Variants in PRR16 observed in about 807,000 individuals in gnomAD.
PRR16 encodes protein Largen.
Under a neutral mutation model 18.2 loss-of-function variants are expected in PRR16, and 6 were observed. The ratio of observed to expected loss-of-function variants is 0.33; its 90% confidence interval spans 0.18 to 0.65. The LOEUF is 0.65. Among genes scored for constraint, PRR16 ranks in the 30% least tolerant of loss-of-function variants. The pLI is 0.74. For missense variants in PRR16, 412 were observed against 376.6 expected, an observed-to-expected ratio of 1.09 and a Z score of -0.78; for synonymous variants, 151 against 147.8, an observed-to-expected ratio of 1.02 and a Z score of -0.16.
Position 120,621,265 on chromosome 5 carries a change from C to T in PRR16, c.160-64689C>T, listed in dbSNP as rs548830657. Among the ~76,000 whole-genome samples the T allele has an allele frequency of 2.6e-5, 4 of 152,210 alleles. No homozygotes were observed. In the South Asian group the frequency reaches 8.3e-4, roughly 32 times the overall value. ...TTTTTGAAATATAAAGGGATTCATGCTATTCTACATTGAAAACTTTTGCCA... is the reference window on the plus strand; with the variant it reads ...TTTTTGAAATATAAAGGGATTCATGTTATTCTACATTGAAAACTTTTGCCA... On this transcript the variant is annotated intron_variant, in intron 1 of 1. Transcript: ENST00000407149.
At chr5:120,584,052 G>A (rs1030695354) in intron 1 of PRR16, among the ~76,000 whole-genome samples, 1 of 152,136 alleles carries the variant, frequency 6.6e-6, no homozygotes, top group Admixed American at 6.6e-5. Context: ...ACTGCAGGAT[G>A]GGAAATGCCA....
chr5:120,748,623 T>C, the PRR16 span, among the ~76,000 whole-genome samples: 14 of 152,040 alleles, frequency 9.2e-5, no homozygotes, highest in Admixed American at 3.3e-4. Context: ...TTATCCAAGG[T>C]TGAAATCTGG....
At chr5:120,467,509 GTTACTCTGAAA>G (rs1194626596) in intron 1 of PRR16, among the ~76,000 whole-genome samples, 10 of 151,962 alleles carry the variant, frequency 6.6e-5, no homozygotes, top group African/African-American at 2.4e-4. Flanking sequence ...TTGGTTTGAG[GTTACTCTGAAA>G]TTGCTTTTCT....
intron 1 of PRR16, among the ~76,000 whole-genome samples, chr5:120,549,474 G>A (rs772499341): frequency 6.6e-6 from 1 of 151,910 alleles, no homozygotes; most frequent in Non-Finnish European, 1.5e-5. Context: ...ATTGGAAGTG[G>A]CTCTCTGTGG....
At chr5:120,620,702 A>G (rs1245375576) in intron 1 of PRR16, among the ~76,000 whole-genome samples, 1 of 151,962 alleles carries the variant, frequency 6.6e-6, no homozygotes, top group African/African-American at 2.4e-5. Context: ...TCAGCTGCTA[A>G]ATGTTACAGG....
chr5:120,750,388 G>A, the PRR16 span, among the ~76,000 whole-genome samples: 93 of 152,074 alleles, frequency 6.1e-4, 5 homozygotes, highest in Non-Finnish European at 1.5e-5. Flanking sequence ...GTCAGGCGCG[G>A]TGGCTCACAC....
chr5:120,537,126 A>G (rs1050152550), intron 1 of PRR16, among the ~76,000 whole-genome samples: 1 of 152,214 alleles, frequency 6.6e-6, no homozygotes, highest in Non-Finnish European at 1.5e-5. Flanking sequence ...AATAATCTGT[A>G]CAACAAACCC....
the PRR16 span, among the ~76,000 whole-genome samples, chr5:120,757,554 GA>G: frequency 6.6e-6 from 1 of 151,796 alleles, no homozygotes; most frequent in Non-Finnish European, 1.5e-5. Flanking sequence ...TATAGTAAAA[GA>G]AAAATAATGT....
the PRR16 span, among the ~76,000 whole-genome samples, chr5:120,769,070 C>A: frequency 1.4e-5 from 2 of 144,100 alleles, no homozygotes; most frequent in African/African-American, 4.9e-5. Flanking sequence ...AATTAAGATA[C>A]CTCATGTCTT....
At chr5:120,492,666 C>T (rs548808514) in intron 1 of PRR16, among the ~76,000 whole-genome samples, 1 of 152,152 alleles carries the variant, frequency 6.6e-6, no homozygotes, top group Admixed American at 6.5e-5. Context: ...GCACCCATCA[C>T]CTGAGCAGTG....
chr5:120,527,144 T>G (rs1751398613), intron 1 of PRR16, among the ~76,000 whole-genome samples: 1 of 152,164 alleles, frequency 6.6e-6, no homozygotes, highest in Non-Finnish European at 1.5e-5. Flanking sequence ...AAGGGCCAGA[T>G]AGGAACTATT....
the PRR16 span, among the ~76,000 whole-genome samples, chr5:120,695,997 C>T: frequency 2.6e-5 from 4 of 152,020 alleles, no homozygotes; most frequent in African/African-American, 7.3e-5. Context: ...AACCCCAGCA[C>T]GTTGGGAGGC....
intron 1 of PRR16, among the ~76,000 whole-genome samples, chr5:120,572,516 G>T (rs1232779363): frequency 6.6e-6 from 1 of 152,106 alleles, no homozygotes; most frequent in East Asian, 1.9e-4. Flanking sequence ...TGAGTTGCCT[G>T]TTCCATTCCC....
intron 1 of PRR16, among the ~76,000 whole-genome samples, chr5:120,604,079 A>C (rs114000156): frequency 6.6e-6 from 1 of 151,134 alleles, no homozygotes; most frequent in East Asian, 1.9e-4. Context: ...CATTTGTTCA[A>C]ATGCTGAGTT....
the PRR16 span, among the ~76,000 whole-genome samples, chr5:120,762,448 A>AT: frequency 2.5e-3 from 381 of 152,086 alleles, 6 homozygotes; most frequent in South Asian, 0.017. Context: ...TTTGATTTGC[A>AT]TTTTTGCATT....
rs370738442 is a variant in PRR16 at position 120,513,919 on chromosome 5, C to T, written c.159+49274C>T. Among the ~76,000 whole-genome samples, 83 of 151,884 alleles carry T rather than the reference C, an allele frequency of 5.5e-4. 1 individual carries two copies. Among genetic ancestry groups the T allele is most frequent in the Middle Eastern group, 3.4e-3 (1 of 294 alleles). Reference sequence around the variant, plus strand: ...GATTGCAGGTGCCCACCACCATGCCCGGCTAATTTTTTGTATTTTTAGTAG... The same window carrying T: ...GATTGCAGGTGCCCACCACCATGCCTGGCTAATTTTTTGTATTTTTAGTAG... On this transcript the variant is annotated intron_variant, in intron 1 of 1. Coordinates refer to ENST00000407149, the MANE Select transcript of PRR16 (RefSeq NM_001300783.2).
chr5:120,503,586 T>G (rs1367794920), intron 1 of PRR16, among the ~76,000 whole-genome samples: 1 of 152,164 alleles, frequency 6.6e-6, no homozygotes, highest in African/African-American at 2.4e-5. Context: ...AAGTAGGAGT[T>G]ACACTTCTTT....
chr5:120,492,726 T>C (rs1240775881), intron 1 of PRR16, among the ~76,000 whole-genome samples: 2 of 152,106 alleles, frequency 1.3e-5, no homozygotes, highest in Non-Finnish European at 2.9e-5. Flanking sequence ...ACATCGCCCA[T>C]GAGTCCCCAC....
the PRR16 span, among the ~76,000 whole-genome samples, chr5:120,738,119 GA>G: frequency 2.0e-5 from 3 of 151,426 alleles, no homozygotes; most frequent in African/African-American, 7.3e-5. Context: ...AGACATTTCT[GA>G]AAAAAAAGAT....
Sources: allele counts gnomAD v4.1 joint callset (sites outside exome capture counted in the v4.1 genomes callset), GRCh38; gene constraint gnomAD v4.1.1; transcripts MANE v1.5; gene names NCBI Gene and HGNC (gene_info 2026-07-23, HGNC 2026-07-21).